Variants in DAPK2 observed in about 807,000 individuals in gnomAD.
DAPK2 encodes death-associated protein kinase 2.
In DAPK2, 35 loss-of-function variants were observed where a neutral mutation model predicts 44.1. The observed-to-expected ratio is 0.79, with a 90% CI of 0.61 to 1.05. DAPK2 has a LOEUF of 1.05. Among genes scored for constraint, DAPK2 ranks in the 50% least tolerant of loss-of-function variants. The probability of loss-of-function intolerance (pLI) is 0.00; values close to 1 mark genes in which losing one functional copy is unlikely to be tolerated. For synonymous variants in DAPK2, 174 were observed against 182.6 expected (o/e 0.95, Z 0.38); for missense variants, 453 against 483.2 (o/e 0.94, Z 0.59).
chr15:64,014,730 G>A (rs2079476416), intron 1 of DAPK2, among the ~76,000 whole-genome samples: 1 of 152,158 alleles, frequency 6.6e-6, no homozygotes, highest in Admixed American at 6.5e-5. Context: ...GACCAGCCTG[G>A]TCAACATAGT....
chr15:63,985,531 G>A (rs2078646000), intron 1 of DAPK2, among the ~76,000 whole-genome samples: 5 of 152,176 alleles, frequency 3.3e-5, no homozygotes, highest in Admixed American at 3.3e-4. Context: ...CCGCTGGCAG[G>A]GCCTGGCATT....
At chr15:64,041,376 C>G (rs1270525764), upstream of DAPK2, among the ~76,000 whole-genome samples, 1 of 152,214 alleles carries the variant, frequency 6.6e-6, no homozygotes, top group East Asian at 1.9e-4. Context: ...CATAGCCCAA[C>G]TCTGAGCCAT....
At chr15:64,010,558 C>A (rs1402681151) in intron 1 of DAPK2, among the ~76,000 whole-genome samples, 1 of 152,156 alleles carries the variant, frequency 6.6e-6, no homozygotes, top group Non-Finnish European at 1.5e-5. Context: ...TATTTCTCAT[C>A]ACTCCCAAAT....
intron 3 of DAPK2, among the ~76,000 whole-genome samples, chr15:63,940,549 T>G (rs1467584394): frequency 6.6e-6 from 1 of 151,988 alleles, no homozygotes; most frequent in East Asian, 1.9e-4. Context: ...CTGTCTCTAC[T>G]AAAAATACAA....
intron 3 of DAPK2, among the ~76,000 whole-genome samples, chr15:63,969,628 C>G (rs1179103802): frequency 6.6e-6 from 1 of 151,930 alleles, no homozygotes; most frequent in Non-Finnish European, 1.5e-5. Flanking sequence ...TTAGTCCCAG[C>G]TATTCAGGAG....
At position 63,968,298 on chromosome 15, in the gene DAPK2, G is replaced by T. The variant is rs12101694; in HGVS notation, c.453+3125C>A. Among the ~76,000 whole-genome samples the T allele has an allele frequency of 3.4e-3, 521 of 152,350 alleles. 4 individuals carry two copies. The highest frequency in any genetic ancestry group is 0.012 in the African/African-American group (504 of 41,580). On this transcript the variant is annotated intron_variant, in intron 3 of 10. Transcript: ENST00000261891. Reference sequence around the variant, plus strand: ...TAGGCCAAGGGACCCACGGGTGGAAGAATCAGAAAGCTCAGGTCCTCACAA... The same window carrying T: ...TAGGCCAAGGGACCCACGGGTGGAATAATCAGAAAGCTCAGGTCCTCACAA...
chr15:64,026,015 C>T (rs1023302445), intron 1 of DAPK2, among the ~76,000 whole-genome samples: 2 of 152,194 alleles, frequency 1.3e-5, no homozygotes, highest in African/African-American at 2.4e-5. Context: ...TTCTGTGCCC[C>T]ACACTCAACA....
intron 3 of DAPK2, among the ~76,000 whole-genome samples, chr15:63,952,208 C>G (rs1180607148): frequency 1.3e-5 from 2 of 152,100 alleles, no homozygotes; most frequent in African/African-American, 4.8e-5. Context: ...CCACTGCACT[C>G]CAGCCTGGGA....
Position 64,021,605 on chromosome 15 carries a change from G to A in DAPK2, c.92+18565C>T, listed in dbSNP as rs544584260. On this transcript the variant is annotated intron_variant, in intron 1 of 10. Transcript: ENST00000261891. Reference sequence around the variant, plus strand: ...ACAAAGAAGGATAAAATGTGGCCCCGTCTTCAATGGGCTCACAATCTGGCT... The same window carrying A: ...ACAAAGAAGGATAAAATGTGGCCCCATCTTCAATGGGCTCACAATCTGGCT... 5.3e-5 allele frequency among the ~76,000 whole-genome samples: 8 copies of A among 152,272 alleles called. No homozygotes were observed. The South Asian group carries it at 6.2e-4, about 12-fold the overall frequency.
intron 3 of DAPK2, among the ~76,000 whole-genome samples, chr15:63,953,222 C>T (rs2077639059): frequency 6.7e-6 from 1 of 148,434 alleles, no homozygotes; most frequent in Non-Finnish European, 1.5e-5. Context: ...TGAGTGAGAA[C>T]ATACAATGTT....
chr15:63,951,268 C>G (rs182495065), intron 3 of DAPK2, among the ~76,000 whole-genome samples: 1 of 152,260 alleles, frequency 6.6e-6, no homozygotes, highest in African/African-American at 2.4e-5. Context: ...AAACACAAAA[C>G]CACATAAAAA....
At chr15:64,018,152 A>G (rs1025679104) in intron 1 of DAPK2, among the ~76,000 whole-genome samples, 2 of 152,214 alleles carry the variant, frequency 1.3e-5, no homozygotes, top group Admixed American at 6.5e-5. Flanking sequence ...AACTTTGATG[A>G]AACCCAACTC....
chr15:64,015,369 G>C (rs2079496629), intron 1 of DAPK2, among the ~76,000 whole-genome samples: 1 of 152,178 alleles, frequency 6.6e-6, no homozygotes, highest in South Asian at 2.1e-4. Flanking sequence ...AAAGGATCGA[G>C]ACCACTTGAC....
chr15:64,016,266 A>G (rs1001448373), intron 1 of DAPK2, among the ~76,000 whole-genome samples: 1 of 152,212 alleles, frequency 6.6e-6, no homozygotes, highest in Admixed American at 6.5e-5. Flanking sequence ...CCCCTTATCC[A>G]TGAGTTTCCC....
intron 1 of DAPK2, among the ~76,000 whole-genome samples, chr15:63,985,507 G>C (rs564469970): frequency 6.6e-6 from 1 of 152,178 alleles, no homozygotes; most frequent in Non-Finnish European, 1.5e-5. Flanking sequence ...TCTCCTCTCC[G>C]ACACCTCAAG....
intron 3 of DAPK2, among the ~76,000 whole-genome samples, chr15:63,957,975 G>A (rs186717111): frequency 5.9e-5 from 9 of 152,098 alleles, no homozygotes; most frequent in South Asian, 4.2e-4. Context: ...TCCCACCAAC[G>A]GTGTAAAAGC....
chr15:64,028,582 T>C (rs1042170000), intron 1 of DAPK2, among the ~76,000 whole-genome samples: 1 of 152,170 alleles, frequency 6.6e-6, no homozygotes, highest in Non-Finnish European at 1.5e-5. Context: ...AAAAATATTA[T>C]ATTGGTATTA....
chr15:64,014,939 A>G (rs2079483646), intron 1 of DAPK2, among the ~76,000 whole-genome samples: 2 of 152,140 alleles, frequency 1.3e-5, no homozygotes, highest in South Asian at 4.1e-4. Context: ...AAAAAAAAAA[A>G]AAAACATTCT....
At position 63,907,446 on chromosome 15, in the gene DAPK2, GTCTC is replaced by G. The variant is rs1164812640; in HGVS notation, c.*1070_*1073del. On this transcript the variant is annotated 3_prime_UTR_variant, in exon 11 of 11. Coordinates refer to ENST00000261891, the Ensembl canonical transcript of DAPK2. Reference sequence around the variant, plus strand: ...GCAACTTTTTTTTTTTTTGGATATGGTCTCTCTCTGTCACCCAGACTGGAGTGCA... The same window carrying G: ...GCAACTTTTTTTTTTTTTGGATATGGTCTCTGTCACCCAGACTGGAGTGCA... 2.0e-5 allele frequency: 3 copies of G among 151,696 alleles called. No homozygotes were observed. The East Asian group carries it at 5.8e-4, about 29-fold the overall frequency. 9.4% of individuals were successfully genotyped at this position (151,696 alleles called of 1,614,324 possible).
Sources: allele counts gnomAD v4.1 joint callset (sites outside exome capture counted in the v4.1 genomes callset), GRCh38; gene constraint gnomAD v4.1.1; transcripts MANE v1.5; gene names NCBI Gene and HGNC (gene_info 2026-07-23, HGNC 2026-07-21).